Variants in PAK5 observed in about 807,000 individuals in gnomAD.
PAK5 encodes the protein serine/threonine-protein kinase PAK 5.
A neutral mutation model predicts 65.9 loss-of-function variants in PAK5; 16 were observed. That is an observed-to-expected ratio of 0.24 (90% CI 0.16 to 0.37). The LOEUF (loss-of-function observed/expected upper bound fraction) is 0.37, where lower values mean the gene tolerates loss of function less well. PAK5 is among the 10% of genes least tolerant of loss of function. The pLI is 1.00. For synonymous variants in PAK5, 371 were observed against 354.9 expected (o/e 1.05, Z -0.51); for missense variants, 785 against 903.9 (o/e 0.87, Z 1.69).
intron 2 of PAK5, among the ~76,000 whole-genome samples, chr20:9,680,487 G>C (rs1400466407): frequency 1.3e-5 from 2 of 152,198 alleles, no homozygotes; most frequent in Non-Finnish European, 2.9e-5. Flanking sequence ...GAGGGTCTCT[G>C]AGAGGTGGTA....
chr20:9,603,839 G>A (rs1279234153), intron 3 of PAK5, among the ~76,000 whole-genome samples: 1 of 152,086 alleles, frequency 6.6e-6, no homozygotes, highest in African/African-American at 2.4e-5. Context: ...TGAGCCAGGA[G>A]GTAGAAAAGC....
intron 3 of PAK5, among the ~76,000 whole-genome samples, chr20:9,639,269 T>A (rs777556122): frequency 1.3e-5 from 2 of 152,216 alleles, no homozygotes; most frequent in Non-Finnish European, 2.9e-5. Context: ...TGTAAGAGTC[T>A]GGTAGTCACA....
chr20:9,565,870 G>A (rs2122991038), intron 5 of PAK5, 23 bp downstream of exon 5: 2 of 1,586,428 alleles, frequency 1.3e-6, no homozygotes, highest in South Asian at 1.1e-5. Flanking sequence ...GGAGAGAAAG[G>A]ATGACCCAAA....
intron 3 of PAK5, among the ~76,000 whole-genome samples, chr20:9,604,501 G>GTGCCAGTGTCCTTGTGCCAGTGAC (rs2046416359): frequency 6.6e-6 from 1 of 152,172 alleles, no homozygotes; most frequent in Admixed American, 6.5e-5. Flanking sequence ...CAAGGACACT[G>GTGCCAGTGTCCTTGTGCCAGTGAC]AAGTATGGAG....
Position 9,766,382 on chromosome 20 carries a change from ATATATG to A in PAK5, c.-161-54953_-161-54948del, listed in dbSNP as rs200777158. Among the ~76,000 whole-genome samples, 231 of 65,888 alleles carry A rather than the reference ATATATG, an allele frequency of 3.5e-3. 33 individuals carry two copies. Among genetic ancestry groups the A allele is most frequent in the Admixed American group, 9.2e-3 (47 of 5,106 alleles). 43.2% of individuals were successfully genotyped at this position (65,888 alleles called of 152,430 possible). ...ATATATATATATATTCAAGCAGAATATATATGTATATATATATTCAAGCAGAATATA... is the reference window on the plus strand; with the variant it reads ...ATATATATATATATTCAAGCAGAATATATATATATATTCAAGCAGAATATA... On this transcript the variant is annotated intron_variant, in intron 1 of 9. Transcript: ENST00000353224.
chr20:9,545,936 C>T (rs2045337350), intron 7 of PAK5, among the ~76,000 whole-genome samples: 1 of 151,776 alleles, frequency 6.6e-6, no homozygotes, highest in East Asian at 1.9e-4. Context: ...AAAAAAAAAA[C>T]TATCTCTGTG....
intron 1 of PAK5, among the ~76,000 whole-genome samples, chr20:9,723,920 G>A (rs1359496200): frequency 6.6e-6 from 1 of 152,182 alleles, no homozygotes; most frequent in Non-Finnish European, 1.5e-5. Flanking sequence ...TGCTTATTAT[G>A]TAGCATTTTC....
intron 2 of PAK5, among the ~76,000 whole-genome samples, chr20:9,669,824 A>T (rs1359996378): frequency 6.6e-6 from 1 of 152,102 alleles, no homozygotes; most frequent in Non-Finnish European, 1.5e-5. Context: ...CACAACGTGC[A>T]GGTTTGTTAC....
At chr20:9,582,126 A>G (rs2045989910) in intron 3 of PAK5, among the ~76,000 whole-genome samples, 2 of 152,354 alleles carry the variant, frequency 1.3e-5, no homozygotes, top group African/African-American at 4.8e-5. Flanking sequence ...AAGAGAATAC[A>G]GAGTTCTCAT....
At chr20:9,588,831 C>CA (rs2046115332) in intron 3 of PAK5, among the ~76,000 whole-genome samples, 1 of 152,174 alleles carries the variant, frequency 6.6e-6, no homozygotes, top group Non-Finnish European at 1.5e-5. Context: ...CCATGGTGCT[C>CA]ATTGTCTTTC....
intron 1 of PAK5, among the ~76,000 whole-genome samples, chr20:9,763,304 A>G (rs974554982): frequency 2.0e-5 from 3 of 152,090 alleles, no homozygotes; most frequent in African/African-American, 7.2e-5. Flanking sequence ...TAAGAGGGGC[A>G]GGGTGAGAGG....
intron 1 of PAK5, among the ~76,000 whole-genome samples, chr20:9,755,891 T>C (rs763151411): frequency 1.4e-4 from 22 of 152,202 alleles, no homozygotes; most frequent in Admixed American, 5.9e-4. Context: ...TGTCAACCCA[T>C]TGCAGAAACA....
intron 3 of PAK5, among the ~76,000 whole-genome samples, chr20:9,629,232 T>C (rs1202859123): frequency 6.6e-6 from 1 of 152,184 alleles, no homozygotes; most frequent in Non-Finnish European, 1.5e-5. Context: ...ACTGCAAGGA[T>C]ACTAACAAAT....
At position 9,839,014 on chromosome 20, in the gene PAK5, G is replaced by A. The variant is rs1039206050; in HGVS notation, c.-414C>T. The A allele has an allele frequency of 6.6e-6, 1 of 152,408 alleles. No homozygotes were observed. The highest frequency in any genetic ancestry group is 2.1e-4 in the South Asian group (1 of 4,828). 9.4% of individuals were successfully genotyped at this position (152,408 alleles called of 1,614,324 possible). A position where few individuals can be genotyped will look rare whatever the true frequency, so the allele number is the denominator to read the frequency against. On this transcript the variant is annotated 5_prime_UTR_variant, in exon 1 of 10. Coordinates refer to ENST00000353224, the MANE Select transcript of PAK5 (RefSeq NM_177990.4). ...CTTCGCCCCTCGGAGGACTGTCCATGAGCGTACGCAGCTGCTCCGGGTTTT... is the reference window on the plus strand; with the variant it reads ...CTTCGCCCCTCGGAGGACTGTCCATAAGCGTACGCAGCTGCTCCGGGTTTT...
chr20:9,764,351 G>A (rs975642323), intron 1 of PAK5, among the ~76,000 whole-genome samples: 4 of 152,104 alleles, frequency 2.6e-5, no homozygotes, highest in African/African-American at 7.2e-5. Context: ...TCAGTGTATC[G>A]TATGGGGCAC....
chr20:9,800,825 TC>T (rs1484046206), intron 1 of PAK5, among the ~76,000 whole-genome samples: 1 of 150,948 alleles, frequency 6.6e-6, no homozygotes, highest in Non-Finnish European at 1.5e-5. Flanking sequence ...TCTACAAATC[TC>T]CCCCAACTAA....
chr20:9,816,037 A>C (rs1303102662), intron 1 of PAK5, among the ~76,000 whole-genome samples: 2 of 152,170 alleles, frequency 1.3e-5, no homozygotes, highest in Non-Finnish European at 2.9e-5. Flanking sequence ...ATTTCATGAA[A>C]GTTCTGAATT....
At chr20:9,677,278 T>C (rs139148254) in intron 2 of PAK5, among the ~76,000 whole-genome samples, 7 of 152,288 alleles carry the variant, frequency 4.6e-5, no homozygotes, top group African/African-American at 1.4e-4. Flanking sequence ...ATAGGATGCA[T>C]CACATTCAGA....
chr20:9,538,529 C>T lies in PAK5; in HGVS notation c.*933G>A, dbSNP rs1335942818. 1.3e-5 allele frequency: 3 copies of T among 233,214 alleles called. No homozygotes were observed. Among genetic ancestry groups the T allele is most frequent in the African/African-American group, 6.6e-5 (3 of 45,306 alleles). The allele number at this position is 233,214 out of a possible 1,614,324, so 14.4% of individuals were successfully genotyped here. On this transcript the variant is annotated 3_prime_UTR_variant, in exon 10 of 10. Coordinates refer to ENST00000353224, the MANE Select transcript of PAK5 (RefSeq NM_177990.4). Reference sequence around the variant, plus strand: ...ATTTTGGGAACTGAATCCAATGATCCTAGCACTGAAATTGCTCCCTGGGAG... The same window carrying T: ...ATTTTGGGAACTGAATCCAATGATCTTAGCACTGAAATTGCTCCCTGGGAG...
Sources: allele counts gnomAD v4.1 joint callset (sites outside exome capture counted in the v4.1 genomes callset), GRCh38; gene constraint gnomAD v4.1.1; transcripts MANE v1.5; gene names NCBI Gene and HGNC (gene_info 2026-07-23, HGNC 2026-07-21).